Variants in WIPI2 observed in about 807,000 individuals in gnomAD.
WIPI2 encodes the protein WD repeat domain phosphoinositide-interacting protein 2.
In WIPI2, 28 loss-of-function variants were observed where a neutral mutation model predicts 52.3. The ratio of observed to expected loss-of-function variants is 0.54; its 90% CI spans 0.40 to 0.73. The LOEUF (loss-of-function observed/expected upper bound fraction) is 0.73, where lower values mean the gene tolerates loss of function less well. Among genes scored for constraint, WIPI2 ranks in the 30% least tolerant of loss-of-function variants. WIPI2 has a pLI of 0.00. For synonymous variants in WIPI2, 268 were observed against 245.0 expected (o/e 1.09, Z -0.88); for missense variants, 506 against 602.9 (o/e 0.84, Z 1.68).
chr7:5,214,097 C>T (rs1782693779), intron 3 of WIPI2: 2 of 288,428 alleles, frequency 6.9e-6, no homozygotes, highest in South Asian at 8.3e-5. Flanking sequence ...ATTCTTTGGC[C>T]AGCCTCAGTA....
Position 5,217,197 on chromosome 7 carries a change from C to T in WIPI2, c.576+10C>T, listed in dbSNP as rs759604061. 1.2e-6 allele frequency: 2 copies of T among 1,613,934 alleles called. No individual in the cohort carries two copies. Among genetic ancestry groups the T allele is most frequent in the Non-Finnish European group, 1.7e-6 (2 of 1,179,864 alleles). Reference sequence around the variant, plus strand: ...CGATACCATTAATTTGGTGAGATGCCTTTCCTGCTCGAATAGCTCTCTAAA... The same window carrying T: ...CGATACCATTAATTTGGTGAGATGCTTTTCCTGCTCGAATAGCTCTCTAAA... On this transcript the variant is annotated intron_variant, in intron 6 of 12. Coordinates refer to ENST00000288828, the MANE Select transcript of WIPI2 (RefSeq NM_015610.4).
At chr7:5,196,770 A>C (rs1781761962) in intron 2 of WIPI2, among the ~76,000 whole-genome samples, 1 of 152,136 alleles carries the variant, frequency 6.6e-6, no homozygotes, top group Non-Finnish European at 1.5e-5. Flanking sequence ...TCACGAGGAA[A>C]AGTGACAACT....
rs922203982 is a variant in WIPI2, at chr7:5,190,372, TCG to T, written c.-38_-37del. The T allele has an allele frequency of 6.4e-5, 82 of 1,272,308 alleles. No homozygotes were observed. Among genetic ancestry groups the T allele is most frequent in the South Asian group, 1.4e-4 (6 of 43,688 alleles). The allele number at this position is 1,272,308 out of a possible 1,614,324, so 78.8% of individuals were successfully genotyped here. A position where few individuals can be genotyped will look rare whatever the true frequency, so the allele number is the denominator to read the frequency against. ...ACCCTGAGTGCAGCCTGACCCGCCC[TCG>T]CGCGCGCGCCCTCCCCGGCCGGGCC... On this transcript the variant is annotated 5_prime_UTR_variant, in exon 1 of 13. Transcript: ENST00000288828.
chr7:5,218,792 CTT>C (rs898193527), intron 7 of WIPI2: 4 of 152,238 alleles, frequency 2.6e-5, no homozygotes, highest in African/African-American at 9.7e-5. Flanking sequence ...CTGTGCCTCT[CTT>C]TTCGTTTCAG....
chr7:5,193,740 A>T (rs553759266), intron 2 of WIPI2, among the ~76,000 whole-genome samples: 2 of 151,470 alleles, frequency 1.3e-5, no homozygotes, highest in East Asian at 3.9e-4. Context: ...ACACCTGGCT[A>T]ATTTTTTTTT....
Position 5,204,293 on chromosome 7 carries a change from C to T in WIPI2, c.211+4635C>T, listed in dbSNP as rs1395288117. On this transcript the variant is annotated intron_variant, in intron 3 of 12. Coordinates refer to ENST00000288828, the MANE Select transcript of WIPI2 (RefSeq NM_015610.4). Reference sequence around the variant, plus strand: ...ACCAGCCTGGCCAACATGGTGAAACCGCGCCTCTACTAAAAATATAAAAAT... The same window carrying T: ...ACCAGCCTGGCCAACATGGTGAAACTGCGCCTCTACTAAAAATATAAAAAT... Among the ~76,000 whole-genome samples the T allele has an allele frequency of 3.9e-5, 6 of 152,076 alleles. No individual in the cohort carries two copies. In the East Asian group the frequency reaches 5.8e-4, roughly 15 times the overall value.
chr7:5,205,838 G>A (rs1374212809), intron 3 of WIPI2, among the ~76,000 whole-genome samples: 1 of 148,918 alleles, frequency 6.7e-6, no homozygotes, highest in Non-Finnish European at 1.5e-5. Context: ...AACTCAAACT[G>A]AGTTCTTTTT....
At chr7:5,197,980 C>T (rs1260869643) in intron 2 of WIPI2, among the ~76,000 whole-genome samples, 1 of 152,208 alleles carries the variant, frequency 6.6e-6, no homozygotes, top group Non-Finnish European at 1.5e-5. Flanking sequence ...GATGAGGAAA[C>T]CCCTTCTGTG....
intron 3 of WIPI2, among the ~76,000 whole-genome samples, chr7:5,210,983 A>AG (rs1782528748): frequency 6.6e-6 from 1 of 152,206 alleles, no homozygotes; most frequent in East Asian, 1.9e-4. Flanking sequence ...GCTTGTGCTT[A>AG]GGGATACTCG....
intron 1 of WIPI2, among the ~76,000 whole-genome samples, chr7:5,192,650 C>A (rs1032882078): frequency 6.6e-6 from 1 of 152,146 alleles, no homozygotes; most frequent in Non-Finnish European, 1.5e-5. Context: ...TAGTGTAAAC[C>A]TAAATTGGAA....
chr7:5,210,930 T>C (rs1399597157), intron 3 of WIPI2, among the ~76,000 whole-genome samples: 1 of 152,188 alleles, frequency 6.6e-6, no homozygotes, highest in African/African-American at 2.4e-5. Flanking sequence ...CGCATAGAAC[T>C]CAGCCCACAC....
At chr7:5,205,418 C>G (rs551783413) in intron 3 of WIPI2, among the ~76,000 whole-genome samples, 112 of 152,166 alleles carry the variant, frequency 7.4e-4, no homozygotes, top group Non-Finnish European at 1.2e-3. Context: ...ATCTATCTCC[C>G]CCAGAACACT....
chr7:5,218,941 G>C (rs1283778018), intron 7 of WIPI2: 2 of 152,030 alleles, frequency 1.3e-5, no homozygotes, highest in African/African-American at 4.8e-5. Context: ...GCTTCTCATT[G>C]AAATCCTAAA....
chr7:5,210,505 A>G (rs1782504751), intron 3 of WIPI2, among the ~76,000 whole-genome samples: 1 of 152,134 alleles, frequency 6.6e-6, no homozygotes, highest in African/African-American at 2.4e-5. Flanking sequence ...TTTCGGTGCC[A>G]CACAGGGCCC....
At chr7:5,206,042 T>C (rs954604076) in intron 3 of WIPI2, among the ~76,000 whole-genome samples, 2 of 152,304 alleles carry the variant, frequency 1.3e-5, no homozygotes, top group Non-Finnish European at 2.9e-5. Context: ...TATGATTCTT[T>C]TCACCATTCT....
At chr7:5,200,288 G>A (rs1213920097) in intron 3 of WIPI2, among the ~76,000 whole-genome samples, 1 of 152,200 alleles carries the variant, frequency 6.6e-6, no homozygotes, top group African/African-American at 2.4e-5. Context: ...AGTATTTGCT[G>A]AGTAAAGCCT....
Position 5,229,615 on chromosome 7 carries a change from G to A in WIPI2, c.1129G>A (p.Gly377Ser), listed in dbSNP as rs778484152. Reference protein sequence around the residue: ...CALMKQHRLDGSLETTNEILD... With the variant: ...CALMKQHRLDSSLETTNEILD... Reference sequence around the variant, plus strand: ...TCGCTTTCTTCCCTCCAGGCTGGACGGCAGTCTGGAAACGACCAATGAGAT... The same window carrying A: ...TCGCTTTCTTCCCTCCAGGCTGGACAGCAGTCTGGAAACGACCAATGAGAT... Residue 377 changes from glycine (G) to serine (S), a missense_variant, in exon 12 of 13, where the codon GGC (glycine) becomes AGC (serine). Gly to Ser is a moderately conservative substitution (Grantham distance 56). Around this residue, in one of 4 missense-constraint regions of WIPI2, gnomAD observed 194 missense variants for 175.1 expected, o/e 1.11. Coordinates refer to ENST00000288828, the MANE Select transcript of WIPI2 (RefSeq NM_015610.4). The A allele has an allele frequency of 3.3e-5, 54 of 1,612,984 alleles. No homozygotes were observed. The highest frequency in any genetic ancestry group is 2.0e-4 in the East Asian group (9 of 44,848).
At chr7:5,228,497 G>C (rs995270210) in intron 11 of WIPI2, among the ~76,000 whole-genome samples, 1 of 152,212 alleles carries the variant, frequency 6.6e-6, no homozygotes, top group East Asian at 1.9e-4. Context: ...TCTTAGGTGG[G>C]GGAGAGGTGC....
chr7:5,227,158 G>T lies in WIPI2; in HGVS notation c.849-22G>T, dbSNP rs766553349. The T allele has an allele frequency of 6.2e-7, 1 of 1,613,464 alleles. No individual in the cohort carries two copies. Among genetic ancestry groups the T allele is most frequent in the Admixed American group, 1.7e-5 (1 of 60,016 alleles). On this transcript the variant is annotated intron_variant, in intron 9 of 12. Transcript: ENST00000288828. The surrounding 1 kb of genome is among the most constrained non-coding windows in gnomAD (Gnocchi z 8.1). ...CCCCAGGGAGGGTGCAGCTTCATGT[G>T]TCTGGTGGCCTTTCCTTCCAGACCC...
Sources: gnomAD v4.1 joint callset for allele counts (sites outside exome capture counted in the v4.1 genomes callset) on GRCh38, gnomAD v4.1.1 for gene constraint, gnomAD v4.1.1 regional missense constraint, Gnocchi (gnomAD v3.1) non-coding constraint, MANE v1.5 for transcripts, NCBI Gene and HGNC (gene_info 2026-07-23, HGNC 2026-07-21) for gene names.